The following EFNA5 variants were observed in gnomAD, a reference collection of about 807,000 sequenced individuals.
The protein encoded by EFNA5 is ephrin A5, also known as ephrin-A5.
EFNA5 carries 5 observed loss-of-function variants against 22.9 expected under a neutral mutation model. That is an observed-to-expected ratio of 0.22 (90% CI 0.11 to 0.46). The LOEUF (loss-of-function observed/expected upper bound fraction) is 0.46. Ranked by LOEUF, EFNA5 falls within the 20% of genes least tolerant of loss-of-function variation. EFNA5 has a pLI of 0.99. For missense variants in EFNA5, 237 were observed against 293.3 expected (o/e 0.81, Z 1.40); for synonymous variants, 113 against 112.2 (o/e 1.01, Z -0.04).
chr5:107,450,554 T>C (rs1473670214), intron 1 of EFNA5, among the ~76,000 whole-genome samples: 1 of 152,240 alleles, frequency 6.6e-6, no homozygotes, highest in Non-Finnish European at 1.5e-5. Flanking sequence ...TCCAATGTTT[T>C]TTCTACTTTT....
rs575277656 is a variant in EFNA5 at position 107,379,951 on chromosome 5, A to G, written c.*1304T>C. 1.3e-5 allele frequency: 2 copies of G among 152,290 alleles called. No homozygotes were observed. Among genetic ancestry groups the G allele is most frequent in the South Asian group, 2.1e-4 (1 of 4,832 alleles). The allele number at this position is 152,290 out of a possible 1,614,324, so 9.4% of individuals were successfully genotyped here. ...AAGTCTTTGGGACTCCATCTTGTTT[A>G]TCTCCCACAGATAAACACATGTTCC... On this transcript the variant is annotated 3_prime_UTR_variant, in exon 5 of 5. Transcript: ENST00000333274.
chr5:107,457,083 T>A (rs1341682285), intron 1 of EFNA5, among the ~76,000 whole-genome samples: 1 of 152,146 alleles, frequency 6.6e-6, no homozygotes, highest in Non-Finnish European at 1.5e-5. Flanking sequence ...CCAGTCAACC[T>A]ACCAATGAAC....
chr5:107,615,867 GAC>G (rs1376649721), intron 1 of EFNA5, among the ~76,000 whole-genome samples: 10 of 152,120 alleles, frequency 6.6e-5, no homozygotes, highest in Non-Finnish European at 1.3e-4. Context: ...TCAGAAGTTA[GAC>G]ACACACACCT....
chr5:107,646,873 T>C (rs1286367438), intron 1 of EFNA5, among the ~76,000 whole-genome samples: 3 of 152,122 alleles, frequency 2.0e-5, no homozygotes, highest in Admixed American at 6.6e-5. Context: ...ATGAGAAAAG[T>C]ACAGACATTT....
chr5:107,509,485 A>ATTT (rs35228224), intron 1 of EFNA5, among the ~76,000 whole-genome samples: 4 of 125,240 alleles, frequency 3.2e-5, no homozygotes, highest in African/African-American at 1.2e-4. Flanking sequence ...TGCTTGGCTA[A>ATTT]TTTTTTTTTT....
chr5:107,539,764 A>G (rs163614), intron 1 of EFNA5, among the ~76,000 whole-genome samples: 45,117 of 152,050 alleles, frequency 0.3, 9,758 homozygotes, highest in African/African-American at 0.61. Flanking sequence ...GCGCCCGGCC[A>G]GAAAACTCTT....
At chr5:107,605,350 C>A (rs758533407) in intron 1 of EFNA5, among the ~76,000 whole-genome samples, 5 of 152,080 alleles carry the variant, frequency 3.3e-5, no homozygotes, top group Admixed American at 6.5e-5. Flanking sequence ...AGTTACCTGG[C>A]AAGAGAATGA....
intron 1 of EFNA5, among the ~76,000 whole-genome samples, chr5:107,486,580 T>C (rs935150877): frequency 1.3e-5 from 2 of 152,218 alleles, no homozygotes; most frequent in African/African-American, 4.8e-5. Context: ...GAGAGTATTA[T>C]ACCTCTCTAC....
chr5:107,546,810 T>G (rs1402544486), intron 1 of EFNA5, among the ~76,000 whole-genome samples: 1 of 152,074 alleles, frequency 6.6e-6, no homozygotes, highest in Non-Finnish European at 1.5e-5. Flanking sequence ...TCCAAGAACA[T>G]ATCATGGAAT....
At position 107,670,664 on chromosome 5, in the gene EFNA5, G is replaced by C. The variant is rs758128708; in HGVS notation, c.-51C>G. ...CGACGCGCCACTCCGGGGAGAGAGC[G>C]GGGATCCGGAGGGAGGGAGGCAGGC... On this transcript the variant is annotated 5_prime_UTR_variant, in exon 1 of 5. Transcript: ENST00000333274. 5 of 1,579,948 alleles carry C rather than the reference G, an allele frequency of 3.2e-6. No individual in the cohort carries two copies. The highest frequency in any genetic ancestry group is 3.4e-6 in the Non-Finnish European group (4 of 1,163,892).
intron 2 of EFNA5, among the ~76,000 whole-genome samples, chr5:107,390,506 T>A (rs1235732039): frequency 1.3e-5 from 2 of 152,062 alleles, no homozygotes; most frequent in Non-Finnish European, 2.9e-5. Context: ...AAAGAAAATC[T>A]CAGGATCAAT....
intron 1 of EFNA5, among the ~76,000 whole-genome samples, chr5:107,516,452 G>A (rs1747484279): frequency 6.6e-6 from 1 of 152,102 alleles, no homozygotes; most frequent in African/African-American, 2.4e-5. Context: ...TGTCTATGTA[G>A]TGCCCAAAAC....
chr5:107,599,762 C>T (rs144679413), intron 1 of EFNA5, among the ~76,000 whole-genome samples: 81 of 152,228 alleles, frequency 5.3e-4, no homozygotes, highest in African/African-American at 1.9e-3. Context: ...AGAATAATTG[C>T]CAAAGTATGC....
At chr5:107,437,875 A>G (rs1380339672) in intron 1 of EFNA5, among the ~76,000 whole-genome samples, 3 of 152,208 alleles carry the variant, frequency 2.0e-5, no homozygotes, top group African/African-American at 7.2e-5. Context: ...AAAAAGGAAA[A>G]TGATAACCAG....
rs532284705 is a variant in EFNA5, at chr5:107,451,394, C to T, written c.126-23885G>A. Among the ~76,000 whole-genome samples the T allele has an allele frequency of 2.4e-4, 37 of 152,080 alleles. No individual in the cohort carries two copies. The South Asian group carries it at 7.3e-3, about 30-fold the overall frequency. On this transcript the variant is annotated intron_variant, in intron 1 of 4. Coordinates refer to ENST00000333274, the MANE Select transcript of EFNA5 (RefSeq NM_001962.3). ...GCAAGACTGTTCAAGTCATTAACTGCAAAAATTAGAATAAAAAATTTTTTC... is the reference window on the plus strand; with the variant it reads ...GCAAGACTGTTCAAGTCATTAACTGTAAAAATTAGAATAAAAAATTTTTTC...
At chr5:107,397,648 C>T (rs1230225811) in intron 2 of EFNA5, among the ~76,000 whole-genome samples, 1 of 152,126 alleles carries the variant, frequency 6.6e-6, no homozygotes, top group Non-Finnish European at 1.5e-5. Context: ...TCCCCAATGC[C>T]TATCATTTCT....
In EFNA5 at chr5:107,553,525, C is replaced by A. The variant is rs1287079800; in HGVS notation, c.125+116964G>T. Among the ~76,000 whole-genome samples the A allele has an allele frequency of 2.6e-5, 4 of 152,218 alleles. No individual in the cohort carries two copies. The East Asian group carries it at 7.7e-4, about 29-fold the overall frequency. On this transcript the variant is annotated intron_variant, in intron 1 of 4. Coordinates refer to ENST00000333274, the MANE Select transcript of EFNA5 (RefSeq NM_001962.3). ...AAGGGGAGAGACCATCTCCATTTTACATCTCCCCGAGGTGTAGTTGTTTAA... is the reference window on the plus strand; with the variant it reads ...AAGGGGAGAGACCATCTCCATTTTAAATCTCCCCGAGGTGTAGTTGTTTAA...
intron 1 of EFNA5, among the ~76,000 whole-genome samples, chr5:107,618,941 A>C (rs1440091297): frequency 6.7e-6 from 1 of 148,918 alleles, no homozygotes; most frequent in Non-Finnish European, 1.5e-5. Context: ...TTTTATTTTG[A>C]GACGGAGTCT....
intron 1 of EFNA5, among the ~76,000 whole-genome samples, chr5:107,586,524 T>C (rs1749189419): frequency 6.6e-6 from 1 of 152,206 alleles, no homozygotes; most frequent in African/African-American, 2.4e-5. Flanking sequence ...AAATGGACCC[T>C]GTGCTACTGT....
Sources: gnomAD v4.1 joint callset for allele counts (sites outside exome capture counted in the v4.1 genomes callset) on GRCh38, gnomAD v4.1.1 for gene constraint, MANE v1.5 for transcripts, NCBI Gene and HGNC (gene_info 2026-07-23, HGNC 2026-07-21) for gene names.